The following UGGT1 variants were observed in gnomAD, a reference collection of about 807,000 sequenced individuals.
UGGT1 encodes UDP-glucose glycoprotein glucosyltransferase 1.
A neutral mutation model predicts 203.9 loss-of-function variants in UGGT1; 107 were observed. That is an observed-to-expected ratio of 0.52 (90% CI 0.45 to 0.62). The LOEUF is 0.62. Among genes scored for constraint, UGGT1 ranks in the 20% least tolerant of loss-of-function variants. The probability of loss-of-function intolerance (pLI) is 0.00; values close to 1 mark genes in which losing one functional copy is unlikely to be tolerated. For missense variants in UGGT1, 1,673 were observed against 1,867.2 expected, an observed-to-expected ratio of 0.90 and a Z score of 1.92; for synonymous variants, 628 against 653.5, an observed-to-expected ratio of 0.96 and a Z score of 0.59.
At position 128,189,680 on chromosome 2, in the gene UGGT1, C is replaced by A. The variant is rs202149820; in HGVS notation, c.4643-37C>A. On this transcript the variant is annotated intron_variant, in intron 40 of 40. Transcript: ENST00000259253. Reference sequence around the variant, plus strand: ...TCAGTGGTGTTTGTAATTTGAAGATCATCTGTTTTCTTTTCTGTGGTTCTC... The same window carrying A: ...TCAGTGGTGTTTGTAATTTGAAGATAATCTGTTTTCTTTTCTGTGGTTCTC... 44 of 1,601,532 alleles carry A rather than the reference C, an allele frequency of 2.7e-5. No individual in the cohort carries two copies. The African/African-American group carries it at 5.1e-4, about 18-fold the overall frequency.
intron 38 of UGGT1, among the ~76,000 whole-genome samples, chr2:128,185,761 G>T (rs1217395823): frequency 3.3e-5 from 5 of 152,054 alleles, no homozygotes; most frequent in South Asian, 2.1e-4. Context: ...CTGTTGGCAG[G>T]GTTTTGTAGA....
chr2:128,185,799 A>G (rs1333486317), intron 38 of UGGT1, among the ~76,000 whole-genome samples: 2 of 152,126 alleles, frequency 1.3e-5, no homozygotes, highest in African/African-American at 4.8e-5. Context: ...TTTTTGTACC[A>G]TCATGGAACA....
At chr2:128,100,387 G>A (rs1687323088) in intron 2 of UGGT1, among the ~76,000 whole-genome samples, 1 of 151,626 alleles carries the variant, frequency 6.6e-6, no homozygotes, top group Non-Finnish European at 1.5e-5. Flanking sequence ...AACTGTAACA[G>A]GTGTTTTTGT....
At chr2:128,161,065 G>C in intron 24 of UGGT1, 73 bp from the exon 25 acceptor site, 2 of 1,576,180 alleles carry the variant, frequency 1.3e-6, no homozygotes, top group Admixed American at 3.8e-5. Flanking sequence ...GAGGACGCCA[G>C]AGGGTTCCTT....
chr2:128,091,528 C>T (rs1308007529), intron 1 of UGGT1, 113 bp downstream of exon 1: 2 of 1,475,002 alleles, frequency 1.4e-6, no homozygotes, highest in Non-Finnish European at 9.0e-7. Flanking sequence ...CTCAGTTTAC[C>T]CTCTGGTGTC....
intron 11 of UGGT1, among the ~76,000 whole-genome samples, chr2:128,124,748 T>C (rs1481114884): frequency 6.6e-6 from 1 of 152,118 alleles, no homozygotes; most frequent in Non-Finnish European, 1.5e-5. Flanking sequence ...TTTCCTTTAG[T>C]TGTCAAATAT....
At chr2:128,112,449 C>CTGT (rs1465674804) in intron 5 of UGGT1, among the ~76,000 whole-genome samples, 433 of 13,454 alleles carry the variant, frequency 0.032, 17 homozygotes, top group Admixed American at 0.045. Context: ...CCAAAAAATA[C>CTGT]TATGTTATAT....
rs981711750 is a variant in UGGT1 at position 128,192,653 on chromosome 2, C to T, written c.*2911C>T. On this transcript the variant is annotated 3_prime_UTR_variant, in exon 41 of 41. Coordinates refer to ENST00000259253, the MANE Select transcript of UGGT1 (RefSeq NM_020120.4). ...GCATTTGATTGAGATCAAAGCCTGT[C>T]ACAGCCTGCTGCTGGGGGTGTGGGG... 4 of 152,190 alleles carry T rather than the reference C, an allele frequency of 2.6e-5. No homozygotes were observed. 9.4% of individuals were successfully genotyped at this position (152,190 alleles called of 1,614,324 possible).
chr2:128,145,991 T>A, intron 18 of UGGT1, 24 bp downstream of exon 18: 1 of 1,613,158 alleles, frequency 6.2e-7, no homozygotes, highest in Admixed American at 1.7e-5. Context: ...CAAGGCTGAT[T>A]TTTTAAAGAG....
intron 5 of UGGT1, among the ~76,000 whole-genome samples, chr2:128,111,794 CTATACT>C (rs1164794124): frequency 1.4e-4 from 21 of 151,592 alleles, no homozygotes; most frequent in African/African-American, 5.1e-4. Context: ...CACGACCGGC[CTATACT>C]TATATTTTTA....
chr2:128,163,118 C>G (rs902865686), intron 25 of UGGT1, among the ~76,000 whole-genome samples: 3 of 152,156 alleles, frequency 2.0e-5, no homozygotes, highest in African/African-American at 7.2e-5. Flanking sequence ...TTCTTGTTGG[C>G]CTGCTCACTC....
intron 1 of UGGT1, among the ~76,000 whole-genome samples, chr2:128,092,607 T>TTC (rs573960122): frequency 9.0e-5 from 13 of 144,786 alleles, no homozygotes; most frequent in African/African-American, 2.3e-4. Flanking sequence ...CTTTCTTTCT[T>TTC]TTTTTTTTTT....
intron 18 of UGGT1, among the ~76,000 whole-genome samples, 171 bp downstream of exon 18, chr2:128,146,138 A>G (rs1689679050): frequency 6.6e-6 from 1 of 152,084 alleles, no homozygotes. Context: ...GCAAGACCCC[A>G]TTTCTAAAAA....
rs769703540 is a variant in UGGT1, at chr2:128,152,823, A to G, written c.2056A>G (p.Met686Val). Reference protein sequence around the residue: ...PHDQDVVEYIMNQPNVVPRIN... With the variant: ...PHDQDVVEYIVNQPNVVPRIN... The stretch of plus-strand genomic sequence containing the variant: ...TGATCAAGATGTGGTAGAGTATATC[A>G]TGAATCAGCCAAATGTTGTTCCACG... The change falls in exon 19 of 41, where the codon ATG becomes GTG. Residue 686 changes from methionine (M) to valine (V), a missense_variant. Around this residue, in one of 4 missense-constraint regions of UGGT1, gnomAD observed 1,073 missense variants for 1,078.7 expected, o/e 0.99. Coordinates refer to ENST00000259253, the MANE Select transcript of UGGT1 (RefSeq NM_020120.4). 10 of 1,613,676 alleles carry G rather than the reference A, an allele frequency of 6.2e-6. No homozygotes were observed.
intron 13 of UGGT1, among the ~76,000 whole-genome samples, chr2:128,129,877 G>A (rs1009531688): frequency 9.2e-5 from 14 of 152,150 alleles, no homozygotes; most frequent in Non-Finnish European, 1.8e-4. Context: ...TCTTTAGTAG[G>A]ATTTTGATAT....
chr2:128,091,635 C>G (rs935595481), intron 1 of UGGT1: 2 of 1,394,678 alleles, frequency 1.4e-6, no homozygotes, highest in Non-Finnish European at 1.9e-6. Flanking sequence ...CTCTGTTCAG[C>G]GGTCTTGAAC....
intron 38 of UGGT1, among the ~76,000 whole-genome samples, chr2:128,184,283 G>T (rs1691864693): frequency 1.3e-5 from 2 of 152,152 alleles, no homozygotes; most frequent in Admixed American, 1.3e-4. Flanking sequence ...TTTCAGAGGT[G>T]AGATTGTAGT....
At chr2:128,172,935 G>A (rs1691187687) in intron 29 of UGGT1, among the ~76,000 whole-genome samples, 173 bp downstream of exon 29, 1 of 152,144 alleles carries the variant, frequency 6.6e-6, no homozygotes, top group African/African-American at 2.4e-5. Flanking sequence ...AACGTGTACA[G>A]TTGAGAGGTT....
rs143897218 is a variant in UGGT1 at position 128,105,785 on chromosome 2, G to T, written c.277+1771G>T. 5.2e-3 allele frequency among the ~76,000 whole-genome samples: 797 copies of T among 151,966 alleles called. 12 individuals are homozygous for T. The highest frequency in any genetic ancestry group is 0.017 in the African/African-American group (703 of 41,438). ...CCACCTCAGCCTCCCAAAGTGCTAG[G>T]ATTATGGGTGTGAGTCACCAAGCCC... On this transcript the variant is annotated intron_variant, in intron 3 of 40. Transcript: ENST00000259253.
Sources: gnomAD v4.1 joint callset for allele counts (sites outside exome capture counted in the v4.1 genomes callset) on GRCh38, gnomAD v4.1.1 for gene constraint, gnomAD v4.1.1 regional missense constraint, MANE v1.5 for transcripts, NCBI Gene and HGNC (gene_info 2026-07-23, HGNC 2026-07-21) for gene names.